Variants in SHISA9 observed in about 807,000 individuals in gnomAD.
SHISA9 encodes the protein shisa family member 9.
SHISA9 carries 13 observed loss-of-function variants against 38.0 expected under a neutral mutation model. That is an observed-to-expected ratio of 0.34 (90% CI 0.22 to 0.54). The LOEUF is 0.54. Among genes scored for constraint, SHISA9 ranks in the 20% least tolerant of loss-of-function variants. SHISA9 has a pLI of 0.91. For missense variants in SHISA9, 538 were observed against 575.8 expected (o/e 0.93, Z 0.67); for synonymous variants, 275 against 242.0 (o/e 1.14, Z -1.27).
At chr16:13,302,508 T>G in the SHISA9 span, among the ~76,000 whole-genome samples, 1 of 152,128 alleles carries the variant, frequency 6.6e-6, no homozygotes, top group African/African-American at 2.4e-5. Flanking sequence ...CTGAGCCACC[T>G]CCCTCTGCAT....
chr16:13,477,632 A>G, the SHISA9 span, among the ~76,000 whole-genome samples: 1 of 152,164 alleles, frequency 6.6e-6, no homozygotes, highest in African/African-American at 2.4e-5. Flanking sequence ...AAACGAAAGT[A>G]TTTCCCAATG....
At chr16:13,545,967 G>T in the SHISA9 span, among the ~76,000 whole-genome samples, 1 of 152,066 alleles carries the variant, frequency 6.6e-6, no homozygotes, top group Non-Finnish European at 1.5e-5. Context: ...TTGCCAAACT[G>T]GTAGGACGTA....
intron 2 of SHISA9, among the ~76,000 whole-genome samples, chr16:12,988,457 A>C (rs2072341832): frequency 6.6e-6 from 1 of 152,132 alleles, no homozygotes; most frequent in Admixed American, 6.6e-5. Context: ...CTCCCCAGAG[A>C]AAATGGACAA....
intron 4 of SHISA9, among the ~76,000 whole-genome samples, chr16:13,229,015 C>T (rs2051305708): frequency 6.6e-6 from 1 of 152,148 alleles, no homozygotes; most frequent in South Asian, 2.1e-4. Flanking sequence ...CCAAAATCAG[C>T]CAGGAGTGGT....
In SHISA9 at chr16:13,200,993, T is replaced by C. The variant is rs1475260057; in HGVS notation, c.692-2401T>C. Among the ~76,000 whole-genome samples the C allele has an allele frequency of 2.2e-5, 3 of 135,252 alleles. No homozygotes were observed. The East Asian group carries it at 5.9e-4, about 27-fold the overall frequency. The allele number at this position is 135,252 out of a possible 152,430, so 88.7% of individuals were successfully genotyped here. ...GAAAGGGGTTCAGATGCATGTGACT[T>C]TGAGGGAGTGTTCTTCAGGTAACAA... On this transcript the variant is annotated intron_variant, in intron 2 of 4. Coordinates refer to ENST00000558583, the MANE Select transcript of SHISA9 (RefSeq NM_001145204.3).
the SHISA9 span, among the ~76,000 whole-genome samples, chr16:13,476,703 A>G: frequency 4.6e-5 from 6 of 130,062 alleles, no homozygotes; most frequent in Non-Finnish European, 8.2e-5. Context: ...CTTTGACTGA[A>G]TTTTGTCATT....
At chr16:13,394,977 G>T in the SHISA9 span, among the ~76,000 whole-genome samples, 5 of 151,410 alleles carry the variant, frequency 3.3e-5, no homozygotes, top group African/African-American at 1.2e-4. Flanking sequence ...GTGGCTGTTT[G>T]TGTGTGTGCA....
chr16:13,390,540 C>G, the SHISA9 span, among the ~76,000 whole-genome samples: 1 of 152,140 alleles, frequency 6.6e-6, no homozygotes, highest in African/African-American at 2.4e-5. Context: ...TGCTGCTGCC[C>G]TTTTCTGAAG....
chr16:13,433,063 A>G, the SHISA9 span, among the ~76,000 whole-genome samples: 1 of 152,000 alleles, frequency 6.6e-6, no homozygotes, highest in African/African-American at 2.4e-5. Context: ...CCCTGAACTT[A>G]AAATAAAAAT....
At chr16:13,367,674 C>T in the SHISA9 span, among the ~76,000 whole-genome samples, 3 of 145,964 alleles carry the variant, frequency 2.1e-5, no homozygotes, top group South Asian at 2.2e-4. Context: ...GAAGATGTTT[C>T]CTGAAGTGTA....
the SHISA9 span, among the ~76,000 whole-genome samples, chr16:13,337,399 C>T: frequency 3.3e-5 from 5 of 152,212 alleles, no homozygotes; most frequent in South Asian, 2.1e-4. Flanking sequence ...TGCCTTTCAC[C>T]TTCTGCCATG....
At chr16:13,181,288 TATATATATATATATATATATATATAC>T (rs1452590890) in intron 2 of SHISA9, among the ~76,000 whole-genome samples, 4 of 42,976 alleles carry the variant, frequency 9.3e-5, no homozygotes, top group African/African-American at 1.6e-4. Context: ...TATATATATA[TATATATATATATATATATATATATAC>T]ACACACACAC....
At chr16:13,473,253 G>C in the SHISA9 span, among the ~76,000 whole-genome samples, 1 of 151,582 alleles carries the variant, frequency 6.6e-6, no homozygotes, top group East Asian at 1.9e-4. Flanking sequence ...ACCAAGGCAA[G>C]ATACTTCTCT....
chr16:13,044,272 A>G (rs559801931), intron 2 of SHISA9, among the ~76,000 whole-genome samples: 6 of 152,336 alleles, frequency 3.9e-5, no homozygotes, highest in African/African-American at 1.4e-4. Context: ...AATGGCAAAA[A>G]CTGTGATTAC....
At chr16:13,514,156 G>A in the SHISA9 span, among the ~76,000 whole-genome samples, 13 of 151,792 alleles carry the variant, frequency 8.6e-5, no homozygotes, top group Non-Finnish European at 8.8e-5. Flanking sequence ...CACCACACTC[G>A]GCTAATTTTT....
intron 2 of SHISA9, among the ~76,000 whole-genome samples, chr16:13,008,846 A>T (rs114381608): frequency 0.02 from 3,108 of 152,142 alleles, 104 homozygotes; most frequent in African/African-American, 0.071. Flanking sequence ...CTTTAGAGCA[A>T]TGTGAGAACA....
chr16:13,272,870 G>A, the SHISA9 span, among the ~76,000 whole-genome samples: 3 of 152,078 alleles, frequency 2.0e-5, no homozygotes, highest in African/African-American at 7.2e-5. Flanking sequence ...ATATTGAACA[G>A]ATTTTTTTTA....
At chr16:13,271,997 T>C in the SHISA9 span, among the ~76,000 whole-genome samples, 2 of 151,848 alleles carry the variant, frequency 1.3e-5, no homozygotes, top group Non-Finnish European at 2.9e-5. Flanking sequence ...GAGAGTCACT[T>C]AAACCCAGGA....
chr16:13,401,190 C>T, the SHISA9 span, among the ~76,000 whole-genome samples: 2 of 152,218 alleles, frequency 1.3e-5, no homozygotes, highest in Non-Finnish European at 2.9e-5. Flanking sequence ...CTCTTTACCT[C>T]CATTCACTTC....
Sources: gnomAD v4.1 joint callset for allele counts (sites outside exome capture counted in the v4.1 genomes callset) on GRCh38, gnomAD v4.1.1 for gene constraint, MANE v1.5 for transcripts, NCBI Gene and HGNC (gene_info 2026-07-23, HGNC 2026-07-21) for gene names.